ITPR2: variants seen among roughly 807,000 people sequenced by gnomAD.
ITPR2 encodes inositol 1,4,5-trisphosphate receptor type 2, also known as inositol 1,4,5-trisphosphate-gated calcium channel ITPR2.
A neutral mutation model predicts 317.1 loss-of-function variants in ITPR2; 207 were observed. That is an observed-to-expected ratio of 0.65 (90% CI 0.58 to 0.73). The LOEUF (loss-of-function observed/expected upper bound fraction) is 0.73, where lower values mean the gene tolerates loss of function less well. ITPR2 is among the 30% of genes least tolerant of loss of function. ITPR2 has a pLI of 0.00. For synonymous variants in ITPR2, 1,156 were observed against 1,149.1 expected, an observed-to-expected ratio of 1.01 and a Z score of -0.12; for missense variants, 2,613 against 3,284.0, an observed-to-expected ratio of 0.80 and a Z score of 4.99.
At chr12:26,654,233 T>A in intron 20 of ITPR2, 107 bp from the exon 21 acceptor site, 2 of 842,480 alleles carry the variant, frequency 2.4e-6, no homozygotes, top group Non-Finnish European at 3.6e-6. Context: ...AGCACAGCAA[T>A]TTCTAAACTT....
chr12:26,672,055 C>A (rs1033300982), intron 13 of ITPR2, among the ~76,000 whole-genome samples: 151 of 152,180 alleles, frequency 9.9e-4, no homozygotes, highest in Non-Finnish European at 1.7e-3. Context: ...TAAAGCAAGT[C>A]CTGAGTGACC....
intron 37 of ITPR2, among the ~76,000 whole-genome samples, chr12:26,532,449 T>G (rs1241643149): frequency 1.3e-5 from 2 of 152,180 alleles, no homozygotes; most frequent in African/African-American, 4.8e-5. Flanking sequence ...GGCACAATCA[T>G]GACTCACTGC....
intron 2 of ITPR2, among the ~76,000 whole-genome samples, chr12:26,787,094 T>C (rs372531640): frequency 1.3e-5 from 2 of 152,174 alleles, no homozygotes; most frequent in African/African-American, 4.8e-5. Flanking sequence ...TGCAAAAGGA[T>C]GAGGCACTTG....
chr12:26,509,958 T>G (rs868550953), intron 37 of ITPR2, among the ~76,000 whole-genome samples: 2 of 53,194 alleles, frequency 3.8e-5, no homozygotes, highest in South Asian at 9.4e-4. Context: ...GATAAGGGTT[T>G]TGTGTGTGTG....
Position 26,487,308 on chromosome 12 carries a change from T to C in ITPR2, c.5371-57A>G. 14 of 1,304,490 alleles carry C rather than the reference T, an allele frequency of 1.1e-5. No individual in the cohort carries two copies. In the South Asian group the frequency reaches 2.0e-4, roughly 19 times the overall value. 80.8% of individuals were successfully genotyped at this position (1,304,490 alleles called of 1,614,324 possible). Reference sequence around the variant, plus strand: ...CCCAAGGGGAGACAAATGGTGTTTTTATGCTTGAACTAAACATAAGCATTA... The same window carrying C: ...CCCAAGGGGAGACAAATGGTGTTTTCATGCTTGAACTAAACATAAGCATTA... On this transcript the variant is annotated intron_variant, in intron 39 of 56. Transcript: ENST00000381340.
chr12:26,500,250 G>A (rs1943039265), intron 37 of ITPR2, among the ~76,000 whole-genome samples: 1 of 152,190 alleles, frequency 6.6e-6, no homozygotes. Context: ...AAAAGTAACT[G>A]CAGAATCATT....
rs768775898 is a variant in ITPR2, at chr12:26,481,223, CAT to C, written c.6029_6030del (p.His2010ArgfsTer3). ...ATGATGATATCAATCCCATTAGACTCATGTGTAGCGATACAGGTCTAGAAAAC... is the reference window on the plus strand; with the variant it reads ...ATGATGATATCAATCCCATTAGACTCGTGTAGCGATACAGGTCTAGAAAAC... ...CHENQTCIAT[H>X]ESNGIDIIIA... On this transcript the variant is annotated frameshift_variant, in exon 43 of 57. Coordinates refer to ENST00000381340, the MANE Select transcript of ITPR2 (RefSeq NM_002223.4). LOFTEE classifies it high-confidence loss of function. The C allele has an allele frequency of 1.2e-6, 2 of 1,608,906 alleles. No homozygotes were observed. The highest frequency in any genetic ancestry group is 1.1e-5 in the South Asian group (1 of 90,914).
rs34705409 is a variant in ITPR2, at chr12:26,569,554, C to CAAA, written c.4631-7605_4631-7603dup. Among the ~76,000 whole-genome samples the CAAA allele has an allele frequency of 3.9e-3, 522 of 134,376 alleles. 5 individuals carry two copies. The highest frequency in any genetic ancestry group is 0.014 in the African/African-American group (493 of 36,088). 88.2% of individuals were successfully genotyped at this position (134,376 alleles called of 152,430 possible). On this transcript the variant is annotated intron_variant, in intron 34 of 56. Coordinates refer to ENST00000381340, the MANE Select transcript of ITPR2 (RefSeq NM_002223.4). ...TGGGCGACAGAGCAAGACTCTGTCT[C>CAAA]AAAAAAAAAAAAATCAGAAAAGAAA...
At chr12:26,601,618 G>A (rs1172885044) in intron 28 of ITPR2, among the ~76,000 whole-genome samples, 3 of 152,010 alleles carry the variant, frequency 2.0e-5, no homozygotes, top group African/African-American at 7.2e-5. Context: ...ATAACCTATT[G>A]AATAAAATGA....
chr12:26,467,505 A>G (rs948255562), intron 45 of ITPR2, among the ~76,000 whole-genome samples: 3 of 152,170 alleles, frequency 2.0e-5, no homozygotes, highest in Admixed American at 6.5e-5. Context: ...AAAACTAATC[A>G]TAAAAGCCTT....
At chr12:26,521,315 A>G (rs1238233250) in intron 37 of ITPR2, among the ~76,000 whole-genome samples, 1 of 152,132 alleles carries the variant, frequency 6.6e-6, no homozygotes, top group Non-Finnish European at 1.5e-5. Context: ...AATAATTTCT[A>G]TTAATTATGT....
In ITPR2 at chr12:26,599,617, A is replaced by T. The variant is rs188601069; in HGVS notation, c.3802-272T>A. 5.1e-3 allele frequency among the ~76,000 whole-genome samples: 775 copies of T among 152,298 alleles called. 6 individuals are homozygous for T. Among genetic ancestry groups the T allele is most frequent in the African/African-American group, 0.017 (698 of 41,560 alleles). On this transcript the variant is annotated intron_variant, in intron 29 of 56. Coordinates refer to ENST00000381340, the MANE Select transcript of ITPR2 (RefSeq NM_002223.4). ...TCTTGAGACTAATTATGAATTCAAA[A>T]TTAGGTCTTCCATAAAATCTGCTCA...
Position 26,494,194 on chromosome 12 carries a change from G to A in ITPR2, c.5329C>T (p.Leu1777Phe). ...NDRIFSEGIF[L>F]GIALLEGGNT... Reference sequence around the variant, plus strand: ...CCTCCTTCAAGCAAGGCAATGCCGAGGAAAATGCCTTCTGAAAAAATTCTG... The same window carrying A: ...CCTCCTTCAAGCAAGGCAATGCCGAAGAAAATGCCTTCTGAAAAAATTCTG... Residue 1777 changes from leucine (L) to phenylalanine (F), a missense_variant, in exon 39 of 57, where the codon CTC becomes TTC. This residue lies in a region of ITPR2 where 926 missense variants were observed against 1,072.8 expected (regional missense o/e 0.86). Coordinates refer to ENST00000381340, the MANE Select transcript of ITPR2 (RefSeq NM_002223.4). 2.5e-6 allele frequency: 4 copies of A among 1,613,134 alleles called. No individual in the cohort carries two copies. The highest frequency in any genetic ancestry group is 2.2e-5 in the South Asian group (2 of 90,960).
At chr12:26,458,442 A>G (rs1024650567) in intron 45 of ITPR2, among the ~76,000 whole-genome samples, 4 of 152,158 alleles carry the variant, frequency 2.6e-5, no homozygotes, top group Non-Finnish European at 4.4e-5. Context: ...GGAAAATACC[A>G]GGGCCTTCCA....
At chr12:26,672,144 C>G (rs1325879151) in intron 13 of ITPR2, among the ~76,000 whole-genome samples, 3 of 152,044 alleles carry the variant, frequency 2.0e-5, no homozygotes, top group African/African-American at 7.3e-5. Flanking sequence ...AGATCAATGA[C>G]ACAGAAAGTT....
chr12:26,455,460 G>C (rs1288527115), intron 45 of ITPR2, among the ~76,000 whole-genome samples: 1 of 151,270 alleles, frequency 6.6e-6, no homozygotes, highest in Non-Finnish European at 1.5e-5. Context: ...TAATAAAGAA[G>C]GAAATGAGGT....
rs1555155168 is a variant in ITPR2 at position 26,556,566 on chromosome 12, T to TTGTGTGTG, written c.4822-199_4822-192dup. Among the ~76,000 whole-genome samples the TTGTGTGTG allele has an allele frequency of 1.5e-3, 202 of 136,256 alleles. 2 individuals carry two copies. The South Asian group carries it at 0.022, about 15-fold the overall frequency. 89.4% of individuals were successfully genotyped at this position (136,256 alleles called of 152,430 possible). A position where few individuals can be genotyped will look rare whatever the true frequency, so the allele number is the denominator to read the frequency against. On this transcript the variant is annotated intron_variant, in intron 35 of 56. Transcript: ENST00000381340. ...ATTGCCTGGGTCTCTATTTTTTTTT[T>TTGTGTGTG]TGTGTGTGTGTGTGTGTGTGTGTGT...
chr12:26,400,090 G>T (rs1235777548), intron 53 of ITPR2, 38 bp downstream of exon 53: 20 of 1,566,402 alleles, frequency 1.3e-5, no homozygotes, highest in Admixed American at 1.9e-5. Context: ...TTAAAAAAAA[G>T]ATGTGCTCCT....
rs1175448682 is a variant in ITPR2 at position 26,831,763 on chromosome 12, AAT to A, written c.92+925_92+926del. 1.1e-5 allele frequency among the ~76,000 whole-genome samples: 1 copy of A among 89,582 alleles called. No homozygotes were observed. The highest frequency in any genetic ancestry group is 1.1e-4 in the Admixed American group (1 of 9,282). The allele number at this position is 89,582 out of a possible 152,430, so 58.8% of individuals were successfully genotyped here. A position where few individuals can be genotyped will look rare whatever the true frequency, so the allele number is the denominator to read the frequency against. On this transcript the variant is annotated intron_variant, in intron 1 of 56. Coordinates refer to ENST00000381340, the MANE Select transcript of ITPR2 (RefSeq NM_002223.4). This position sits in a 1 kb window ranked among gnomAD's most constrained non-coding sequence, Gnocchi z 4.9. ...ATATATATTCTACATAAAATATATA[AAT>A]ATATATTCTACATAAAATATATAAA...
Sources: gnomAD v4.1 joint callset for allele counts (sites outside exome capture counted in the v4.1 genomes callset) on GRCh38, gnomAD v4.1.1 for gene constraint, gnomAD v4.1.1 regional missense constraint, Gnocchi (gnomAD v3.1) non-coding constraint, MANE v1.5 for transcripts, NCBI Gene and HGNC (gene_info 2026-07-23, HGNC 2026-07-21) for gene names.